TDRD3: variants seen among roughly 807,000 people sequenced by gnomAD.
TDRD3 encodes tudor domain containing 3, also known as tudor domain-containing protein 3.
Under a neutral mutation model 86.7 loss-of-function variants are expected in TDRD3, and 45 were observed. That is an observed-to-expected ratio of 0.52 (90% CI 0.41 to 0.67). The LOEUF (loss-of-function observed/expected upper bound fraction) is 0.67. Among genes scored for constraint, TDRD3 ranks in the 30% least tolerant of loss-of-function variants. The pLI is 0.00. For synonymous variants in TDRD3, 298 were observed against 301.7 expected, an observed-to-expected ratio of 0.99 and a Z score of 0.13; for missense variants, 814 against 889.0, an observed-to-expected ratio of 0.92 and a Z score of 1.07.
Position 60,436,959 on chromosome 13 carries a change from T to C in TDRD3, c.42-2729T>C, listed in dbSNP as rs191705128. 1.2e-3 allele frequency among the ~76,000 whole-genome samples: 184 copies of C among 152,226 alleles called. 2 individuals carry two copies. The highest frequency in any genetic ancestry group is 1.2e-3 in the East Asian group (6 of 5,182). ...ACTGAGTTTTATACCTGTTCTTGTT[T>C]AATGTACTTTGGAGCTCACCAATTG... On this transcript the variant is annotated intron_variant, in intron 1 of 13. Coordinates refer to ENST00000377881, the MANE Select transcript of TDRD3 (RefSeq NM_001146070.2).
intron 8 of TDRD3, among the ~76,000 whole-genome samples, chr13:60,496,262 T>C (rs1251634452): frequency 7.5e-6 from 1 of 132,470 alleles, no homozygotes; most frequent in Non-Finnish European, 1.6e-5. Context: ...TTGTGGGACC[T>C]TGTGAGTTAA....
At chr13:60,535,329 A>T in intron 12 of TDRD3, 96 bp downstream of exon 12, 1 of 1,364,918 alleles carries the variant, frequency 7.3e-7, no homozygotes, top group Non-Finnish European at 9.6e-7. Flanking sequence ...TGCAAGTGGA[A>T]TCATATTTTG....
chr13:60,503,571 A>AAC (rs1475927059), intron 8 of TDRD3, among the ~76,000 whole-genome samples: 1 of 152,208 alleles, frequency 6.6e-6, no homozygotes, highest in Admixed American at 6.5e-5. Context: ...AAACATGCCA[A>AAC]ACAATCCTGT....
chr13:60,403,240 G>T (rs185650072), intron 1 of TDRD3, among the ~76,000 whole-genome samples: 5 of 152,004 alleles, frequency 3.3e-5, no homozygotes, highest in African/African-American at 1.2e-4. Context: ...TGCTACCTCA[G>T]CAGGTTGAAA....
At chr13:60,396,407 T>C (rs3813902), upstream of TDRD3, 73,733 of 152,088 alleles carry the variant, frequency 0.48, 18,273 homozygotes, top group Admixed American at 0.55. Context: ...AATCGCGCGG[T>C]AGCGTCCGCC....
At chr13:60,530,983 G>A (rs1200250878) in intron 11 of TDRD3, among the ~76,000 whole-genome samples, 1 of 152,126 alleles carries the variant, frequency 6.6e-6, no homozygotes, top group Non-Finnish European at 1.5e-5. Context: ...GTTAGATGTT[G>A]CCTGATGATA....
At chr13:60,489,658 A>G (rs1034474593) in intron 7 of TDRD3, among the ~76,000 whole-genome samples, 2 of 152,346 alleles carry the variant, frequency 1.3e-5, no homozygotes, top group East Asian at 1.9e-4. Context: ...GGCACAAATC[A>G]TAACACTCTT....
chr13:60,557,945 C>T (rs1360481841), intron 12 of TDRD3, among the ~76,000 whole-genome samples: 1 of 150,916 alleles, frequency 6.6e-6, no homozygotes, highest in African/African-American at 2.4e-5. Flanking sequence ...GCCTCAGCCT[C>T]CTGAGTAGCT....
At chr13:60,395,904 T>C (rs1368482788), upstream of TDRD3, among the ~76,000 whole-genome samples, 2 of 152,182 alleles carry the variant, frequency 1.3e-5, no homozygotes, top group Non-Finnish European at 2.9e-5. Flanking sequence ...TGATCTAAAA[T>C]TATCTAAACA....
At chr13:60,404,663 G>A (rs1954191376) in intron 1 of TDRD3, among the ~76,000 whole-genome samples, 1 of 152,126 alleles carries the variant, frequency 6.6e-6, no homozygotes. Context: ...GGAGTGCAGT[G>A]GCATGATCTT....
chr13:60,494,519 CAGAA>C lies in TDRD3; in HGVS notation c.808_811del (p.Glu270SerfsTer22), dbSNP rs1956671028. 1 of 1,613,530 alleles carries C rather than the reference CAGAA, an allele frequency of 6.2e-7. No individual in the cohort carries two copies. Among genetic ancestry groups the C allele is most frequent in the Admixed American group, 1.7e-5 (1 of 59,988 alleles). ...TGGTAACCGAAATAGGGAAGTTTTA[CAGAA>C]AGAAAAGTCAACCAAATCAGAGGGA... On this transcript the variant is annotated frameshift_variant, in exon 8 of 14. Coordinates refer to ENST00000377881, the MANE Select transcript of TDRD3 (RefSeq NM_001146070.2). LOFTEE classifies it high-confidence loss of function.
At chr13:60,489,467 C>T (rs1391707809) in intron 7 of TDRD3, among the ~76,000 whole-genome samples, 4 of 152,152 alleles carry the variant, frequency 2.6e-5, no homozygotes, top group South Asian at 2.1e-4. Context: ...GTAAAGGGGC[C>T]AGAAGCACAG....
intron 5 of TDRD3, among the ~76,000 whole-genome samples, chr13:60,480,146 A>G (rs1425696991): frequency 6.6e-6 from 1 of 152,102 alleles, no homozygotes; most frequent in Admixed American, 6.5e-5. Flanking sequence ...CTTCATTTCC[A>G]TGTTTAGCAC....
chr13:60,528,479 C>T lies in TDRD3; in HGVS notation c.1254C>T (p.Thr418=), dbSNP rs752405281. ...TGAGACATCCTCCTCGAAATGATACCAGGCAGCCAAGAAATGAAAAACCGC... is the reference window on the plus strand; with the variant it reads ...TGAGACATCCTCCTCGAAATGATACTAGGCAGCCAAGAAATGAAAAACCGC... ...NHLRHPPRND[T]RQPRNEKPPR... Residue 418 remains threonine, a synonymous_variant, in exon 11 of 14, where the codon ACC becomes ACT. Coordinates refer to ENST00000377881, the MANE Select transcript of TDRD3 (RefSeq NM_001146070.2). 5 of 1,613,752 alleles carry T rather than the reference C, an allele frequency of 3.1e-6. No individual in the cohort carries two copies. The highest frequency in any genetic ancestry group is 2.7e-5 in the African/African-American group (2 of 74,852).
chr13:60,539,826 A>G (rs1166097966), intron 12 of TDRD3, among the ~76,000 whole-genome samples: 5 of 152,046 alleles, frequency 3.3e-5, no homozygotes, highest in Non-Finnish European at 7.4e-5. Flanking sequence ...GAGTTGTGAT[A>G]CATATAATCA....
chr13:60,541,085 AT>A (rs1342151095), intron 12 of TDRD3, among the ~76,000 whole-genome samples: 13 of 152,220 alleles, frequency 8.5e-5, no homozygotes, highest in African/African-American at 3.1e-4. Flanking sequence ...TAGATTAAAA[AT>A]ATTAAATATT....
At chr13:60,503,028 T>C (rs1002344260) in intron 8 of TDRD3, among the ~76,000 whole-genome samples, 1 of 152,230 alleles carries the variant, frequency 6.6e-6, no homozygotes, top group African/African-American at 2.4e-5. Flanking sequence ...AATACCTTAT[T>C]CAATTATTAA....
chr13:60,528,625 G>C lies in TDRD3; in HGVS notation c.1400G>C (p.Arg467Thr), dbSNP rs762731674. 1 of 1,613,982 alleles carries C rather than the reference G, an allele frequency of 6.2e-7. No individual in the cohort carries two copies. The highest frequency in any genetic ancestry group is 8.5e-7 in the Non-Finnish European group (1 of 1,179,918). ...GTATCTGAAGTATGGGCTGAAGACA[G>C]AATCAAATGTGATAGACCGTATTCT... ...SSVSEVWAED[R>T]IKCDRPYSRY... The change falls in exon 11 of 14, where the codon AGA becomes ACA. Residue 467 changes from arginine (R) to threonine (T), a missense_variant. By Grantham distance (71) the Arg-to-Thr change is moderately conservative (BLOSUM62 -1). Coordinates refer to ENST00000377881, the MANE Select transcript of TDRD3 (RefSeq NM_001146070.2).
At position 60,493,524 on chromosome 13, in the gene TDRD3, G is replaced by C. The variant is rs894995851; in HGVS notation, c.718-911G>C. 1.1e-4 allele frequency among the ~76,000 whole-genome samples: 17 copies of C among 152,056 alleles called. 1 individual carries two copies. In the East Asian group the frequency reaches 3.3e-3, roughly 30 times the overall value. On this transcript the variant is annotated intron_variant, in intron 7 of 13. Transcript: ENST00000377881. Reference sequence around the variant, plus strand: ...TAAAAATACAAAAATTAGCCGGGTGGTAGTGGCACATACCTGTAATCCCAG... The same window carrying C: ...TAAAAATACAAAAATTAGCCGGGTGCTAGTGGCACATACCTGTAATCCCAG...
Sources: allele counts gnomAD v4.1 joint callset (sites outside exome capture counted in the v4.1 genomes callset), GRCh38; gene constraint gnomAD v4.1.1; transcripts MANE v1.5; gene names NCBI Gene and HGNC (gene_info 2026-07-23, HGNC 2026-07-21).